Variants in CSMD1 observed in about 807,000 individuals in gnomAD.
CSMD1 encodes CUB and sushi domain-containing protein 1.
A neutral mutation model predicts 417.5 loss-of-function variants in CSMD1; 213 were observed. The ratio of observed to expected loss-of-function variants is 0.51; its 90% CI spans 0.46 to 0.57. The LOEUF is 0.57. CSMD1 is among the 20% of genes least tolerant of loss of function. The pLI is 0.00. For missense variants in CSMD1, 6,923 were observed against 4,529.7 expected, an observed-to-expected ratio of 1.53 and a Z score of -15.17; for synonymous variants, 2,862 against 1,736.8, an observed-to-expected ratio of 1.65 and a Z score of -16.11.
chr8:4,252,525 C>A (rs1314527554), intron 3 of CSMD1, among the ~76,000 whole-genome samples: 1 of 152,184 alleles, frequency 6.6e-6, no homozygotes, highest in African/African-American at 2.4e-5. Context: ...CCTCAAACAC[C>A]ATAAAATGCT....
intron 19 of CSMD1, among the ~76,000 whole-genome samples, chr8:3,367,607 G>C (rs1432339422): frequency 6.6e-6 from 1 of 152,132 alleles, no homozygotes; most frequent in Non-Finnish European, 1.5e-5. Flanking sequence ...AGGAAAATTG[G>C]TGGAAAGAGG....
At chr8:3,048,026 C>T (rs142994098) in intron 50 of CSMD1, among the ~76,000 whole-genome samples, 3 of 152,246 alleles carry the variant, frequency 2.0e-5, no homozygotes, top group South Asian at 2.1e-4. Flanking sequence ...GCGAGAAATC[C>T]TTAAAGAAAT....
intron 5 of CSMD1, among the ~76,000 whole-genome samples, chr8:3,877,268 G>T (rs1044084669): frequency 6.6e-6 from 1 of 152,122 alleles, no homozygotes; most frequent in East Asian, 1.9e-4. Context: ...TCCTGGTGTG[G>T]CCCTTGATGC....
chr8:3,493,103 G>T (rs950554119), intron 11 of CSMD1, among the ~76,000 whole-genome samples: 2 of 151,844 alleles, frequency 1.3e-5, no homozygotes, highest in African/African-American at 4.8e-5. Context: ...AGACCAACCG[G>T]GCCAACATGG....
At chr8:4,385,160 CA>C (rs1369425086) in intron 3 of CSMD1, among the ~76,000 whole-genome samples, 1 of 54,152 alleles carries the variant, frequency 1.8e-5, no homozygotes, top group Non-Finnish European at 3.7e-5. Flanking sequence ...CTCCTGACCT[CA>C]GGTGATCCTC....
chr8:3,926,869 C>T (rs1033690516), intron 5 of CSMD1, among the ~76,000 whole-genome samples: 6 of 151,480 alleles, frequency 4.0e-5, no homozygotes, highest in Admixed American at 2.6e-4. Context: ...GCATGTGCCA[C>T]GACACCCAGC....
At chr8:3,481,772 C>G (rs148302868) in intron 11 of CSMD1, among the ~76,000 whole-genome samples, 339 of 152,204 alleles carry the variant, frequency 2.2e-3, no homozygotes, top group Middle Eastern at 0.017. Context: ...CAGCAGCTGC[C>G]CTAAGCTGGA....
intron 3 of CSMD1, among the ~76,000 whole-genome samples, chr8:4,368,086 C>T (rs1370730679): frequency 2.0e-5 from 3 of 152,096 alleles, no homozygotes; most frequent in Non-Finnish European, 4.4e-5. Context: ...TTGTCTCATT[C>T]CTGTTCTCAA....
At chr8:4,744,694 C>CA (rs1810837943) in intron 1 of CSMD1, among the ~76,000 whole-genome samples, 3 of 152,132 alleles carry the variant, frequency 2.0e-5, no homozygotes, top group Admixed American at 1.3e-4. Flanking sequence ...TATTATTTTA[C>CA]ATAATGCTTT....
At chr8:4,776,166 C>A (rs1009702245) in intron 1 of CSMD1, among the ~76,000 whole-genome samples, 2 of 152,012 alleles carry the variant, frequency 1.3e-5, no homozygotes, top group Non-Finnish European at 2.9e-5. Flanking sequence ...ATGAGGCGAC[C>A]CACATTAGTT....
At chr8:4,005,363 G>T (rs1324332354) in intron 4 of CSMD1, among the ~76,000 whole-genome samples, 1 of 152,152 alleles carries the variant, frequency 6.6e-6, no homozygotes, top group African/African-American at 2.4e-5. Context: ...GCAGGGGCGG[G>T]TCCGGCTCCT....
chr8:3,873,572 G>C (rs1189143411), intron 5 of CSMD1, among the ~76,000 whole-genome samples: 1 of 152,060 alleles, frequency 6.6e-6, no homozygotes, highest in Admixed American at 6.5e-5. Flanking sequence ...GGTGGGAGGA[G>C]GGAGAGCATC....
chr8:3,334,854 T>A (rs1248770059), intron 23 of CSMD1, among the ~76,000 whole-genome samples: 1 of 152,198 alleles, frequency 6.6e-6, no homozygotes, highest in African/African-American at 2.4e-5. Flanking sequence ...ACACTGCAGG[T>A]GGCAGCACAG....
At chr8:4,078,896 AATATATATATATATATATAT>A (rs1173719388) in intron 3 of CSMD1, among the ~76,000 whole-genome samples, 16 of 43,554 alleles carry the variant, frequency 3.7e-4, no homozygotes, top group East Asian at 1.1e-3. Flanking sequence ...AATAATAATA[AATATATATATATATATATAT>A]ATATATATAT....
chr8:3,538,516 C>G (rs552065177), intron 10 of CSMD1, among the ~76,000 whole-genome samples: 1 of 152,152 alleles, frequency 6.6e-6, no homozygotes, highest in Non-Finnish European at 1.5e-5. Context: ...ACCTGAGATG[C>G]CCCACCTGCG....
At chr8:3,412,741 A>G (rs1414196500) in intron 12 of CSMD1, among the ~76,000 whole-genome samples, 2 of 152,228 alleles carry the variant, frequency 1.3e-5, no homozygotes, top group Non-Finnish European at 2.9e-5. Context: ...TCTATAGAGA[A>G]CACCTTTGCT....
intron 12 of CSMD1, among the ~76,000 whole-genome samples, chr8:3,462,829 T>C (rs1816591795): frequency 6.6e-6 from 1 of 152,192 alleles, no homozygotes; most frequent in Admixed American, 6.5e-5. Flanking sequence ...TCTGACTGTT[T>C]GTGTCCCTCC....
At chr8:3,977,541 G>A (rs747688171) in intron 5 of CSMD1, among the ~76,000 whole-genome samples, 1 of 152,128 alleles carries the variant, frequency 6.6e-6, no homozygotes, top group East Asian at 1.9e-4. Flanking sequence ...GCTGTTCAGA[G>A]CAGCAAACAT....
At chr8:4,882,499 C>G (rs1272928779) in intron 1 of CSMD1, among the ~76,000 whole-genome samples, 1 of 151,724 alleles carries the variant, frequency 6.6e-6, no homozygotes, top group African/African-American at 2.4e-5. Context: ...TTCCTGTTTT[C>G]AAAGGAAGGC....
Sources: gnomAD v4.1 joint callset for allele counts (sites outside exome capture counted in the v4.1 genomes callset) on GRCh38, gnomAD v4.1.1 for gene constraint, MANE v1.5 for transcripts, NCBI Gene and HGNC (gene_info 2026-07-23, HGNC 2026-07-21) for gene names.